The following SPAG16 variants were observed in gnomAD, a reference collection of about 807,000 sequenced individuals.
The protein encoded by SPAG16 is sperm associated antigen 16.
A neutral mutation model predicts 80.4 loss-of-function variants in SPAG16; 86 were observed. That is an observed-to-expected ratio of 1.07 (90% CI 0.90 to 1.28). The LOEUF (loss-of-function observed/expected upper bound fraction) is 1.28. Ranked by LOEUF, SPAG16 falls within the 50% of genes most tolerant of loss-of-function variation. The pLI, the probability that SPAG16 is intolerant of heterozygous loss-of-function variation, is 0.00. For missense variants in SPAG16, 870 were observed against 765.3 expected, an observed-to-expected ratio of 1.14 and a Z score of -1.61; for synonymous variants, 294 against 265.9, an observed-to-expected ratio of 1.11 and a Z score of -1.03.
chr2:213,751,401 T>G (rs1260471755), intron 10 of SPAG16, among the ~76,000 whole-genome samples: 3 of 152,118 alleles, frequency 2.0e-5, no homozygotes, highest in Non-Finnish European at 2.9e-5. Flanking sequence ...TGTAAATAAG[T>G]TCTCCCTTCA....
chr2:213,415,150 A>G (rs2069180572), intron 9 of SPAG16, among the ~76,000 whole-genome samples: 1 of 152,226 alleles, frequency 6.6e-6, no homozygotes, highest in African/African-American at 2.4e-5. Context: ...AGCCAAGCTA[A>G]AGCTTGATGG....
chr2:213,701,560 G>A (rs770318279), intron 10 of SPAG16, among the ~76,000 whole-genome samples: 25 of 152,212 alleles, frequency 1.6e-4, no homozygotes, highest in Non-Finnish European at 2.8e-4. Flanking sequence ...TGTGGAGGGC[G>A]CTGCTCTGTG....
At chr2:213,319,921 T>C (rs866594747) in intron 5 of SPAG16, among the ~76,000 whole-genome samples, 2 of 151,968 alleles carry the variant, frequency 1.3e-5, no homozygotes, top group African/African-American at 4.8e-5. Context: ...ATAGTTTTAA[T>C]TTTAACAGTT....
At chr2:213,666,668 C>G (rs2063616651) in intron 10 of SPAG16, among the ~76,000 whole-genome samples, 1 of 152,108 alleles carries the variant, frequency 6.6e-6, no homozygotes, top group Non-Finnish European at 1.5e-5. Context: ...AGACCCACTG[C>G]TATTCGTTTT....
chr2:214,117,791 A>G (rs1176779432), intron 14 of SPAG16, among the ~76,000 whole-genome samples: 3 of 152,210 alleles, frequency 2.0e-5, no homozygotes, highest in African/African-American at 4.8e-5. Context: ...AAAAGCATTC[A>G]ATAAAATTCA....
At chr2:213,790,573 C>A (rs995567172) in intron 10 of SPAG16, among the ~76,000 whole-genome samples, 24 of 151,684 alleles carry the variant, frequency 1.6e-4, no homozygotes, top group Non-Finnish European at 2.7e-4. Context: ...TATTAGTCTT[C>A]TAACAGTTAT....
At chr2:213,564,106 T>C (rs1161381719) in intron 10 of SPAG16, among the ~76,000 whole-genome samples, 1 of 152,204 alleles carries the variant, frequency 6.6e-6, no homozygotes, top group East Asian at 1.9e-4. Flanking sequence ...CCATTTTATC[T>C]TCCTTCACTG....
Position 214,174,565 on chromosome 2 carries a change from A to C in SPAG16, c.1720+25299A>C, listed in dbSNP as rs74654290. ...TATTAATGTTGAAACAGTTCAGTTA[A>C]TGTTGCCTGCAGGTATTAGTTTAAT... On this transcript the variant is annotated intron_variant, in intron 15 of 15. Coordinates refer to ENST00000331683, the MANE Select transcript of SPAG16 (RefSeq NM_024532.5). 1.5e-3 allele frequency among the ~76,000 whole-genome samples: 232 copies of C among 152,010 alleles called. 1 individual carries two copies. The highest frequency in any genetic ancestry group is 2.9e-3 in the Non-Finnish European group (197 of 67,892).
chr2:213,551,841 A>G (rs1270492922), intron 10 of SPAG16, among the ~76,000 whole-genome samples: 1 of 152,160 alleles, frequency 6.6e-6, no homozygotes, highest in East Asian at 1.9e-4. Flanking sequence ...TAATGCCAGA[A>G]CCTTGCCTAT....
At chr2:213,423,577 T>C (rs1052625645) in intron 9 of SPAG16, among the ~76,000 whole-genome samples, 2 of 152,196 alleles carry the variant, frequency 1.3e-5, no homozygotes, top group African/African-American at 4.8e-5. Context: ...CTTTGGTTGT[T>C]GTGAATCTTA....
chr2:213,763,871 G>A (rs1436565188), intron 10 of SPAG16, among the ~76,000 whole-genome samples: 1 of 152,182 alleles, frequency 6.6e-6, no homozygotes, highest in Non-Finnish European at 1.5e-5. Flanking sequence ...ATTGTGAGAA[G>A]CAAATGAAAT....
intron 11 of SPAG16, among the ~76,000 whole-genome samples, chr2:213,913,744 TAAAGAG>T (rs1016071140): frequency 2.0e-5 from 3 of 152,054 alleles, no homozygotes; most frequent in South Asian, 2.1e-4. Context: ...GAGACAGAGA[TAAAGAG>T]AGAGAGAACA....
intron 14 of SPAG16, among the ~76,000 whole-genome samples, chr2:214,128,717 A>G (rs1400608414): frequency 6.6e-6 from 1 of 151,876 alleles, no homozygotes; most frequent in Non-Finnish European, 1.5e-5. Context: ...CTCATATGTA[A>G]TATGGTGATA....
chr2:213,393,680 T>C (rs2067888570), intron 9 of SPAG16, among the ~76,000 whole-genome samples: 1 of 151,914 alleles, frequency 6.6e-6, no homozygotes, highest in African/African-American at 2.4e-5. Flanking sequence ...TTTTATGAAA[T>C]AGTGTCATTT....
intron 15 of SPAG16, among the ~76,000 whole-genome samples, chr2:214,374,782 C>A (rs1700030155): frequency 6.6e-6 from 1 of 152,182 alleles, no homozygotes; most frequent in African/African-American, 2.4e-5. Flanking sequence ...ATGCATACCT[C>A]ATTCGATTAA....
chr2:213,406,465 T>G (rs1451464455), intron 9 of SPAG16, among the ~76,000 whole-genome samples: 1 of 152,210 alleles, frequency 6.6e-6, no homozygotes, highest in Non-Finnish European at 1.5e-5. Flanking sequence ...ATTATTTTAT[T>G]TAACCATACA....
At chr2:213,384,043 A>G (rs935074601) in intron 9 of SPAG16, among the ~76,000 whole-genome samples, 6 of 152,184 alleles carry the variant, frequency 3.9e-5, no homozygotes, top group Non-Finnish European at 8.8e-5. Context: ...AACAGTTGCA[A>G]TTTAGGCTGT....
intron 15 of SPAG16, among the ~76,000 whole-genome samples, chr2:214,349,799 C>T (rs1014832037): frequency 1.3e-5 from 2 of 152,110 alleles, no homozygotes; most frequent in Non-Finnish European, 2.9e-5. Flanking sequence ...TGGTGTCTCA[C>T]TGTGATTTTA....
At chr2:213,522,798 A>AATATAT (rs34910737) in intron 10 of SPAG16, among the ~76,000 whole-genome samples, 2,618 of 146,740 alleles carry the variant, frequency 0.018, 39 homozygotes, top group Middle Eastern at 0.033. Flanking sequence ...TTACATGCCA[A>AATATAT]ATATATATAT....
Sources: gnomAD v4.1 joint callset for allele counts (sites outside exome capture counted in the v4.1 genomes callset) on GRCh38, gnomAD v4.1.1 for gene constraint, MANE v1.5 for transcripts, NCBI Gene and HGNC (gene_info 2026-07-23, HGNC 2026-07-21) for gene names.